GALK2: variants seen among roughly 807,000 people sequenced by gnomAD.
GALK2 encodes the protein N-acetylgalactosamine kinase.
GALK2 carries 36 observed loss-of-function variants against 52.4 expected under a neutral mutation model. The observed-to-expected ratio is 0.69, with a 90% CI of 0.53 to 0.91. GALK2 has a LOEUF of 0.91. Among genes scored for constraint, GALK2 ranks in the 40% least tolerant of loss-of-function variants. GALK2 has a pLI of 0.00. For synonymous variants in GALK2, 176 were observed against 199.1 expected (o/e 0.88, Z 0.98); for missense variants, 579 against 559.1 (o/e 1.04, Z -0.36).
chr15:49,326,456 T>C (rs2037514327), intron 9 of GALK2, among the ~76,000 whole-genome samples: 2 of 152,078 alleles, frequency 1.3e-5, no homozygotes, highest in South Asian at 4.1e-4. Flanking sequence ...TTCACCATGT[T>C]GGTCAGGCTG....
At chr15:49,156,009 T>A (rs761505155) in exon 1 of GALK2, 3 of 1,614,200 alleles carry the variant, frequency 1.9e-6, no homozygotes, top group Non-Finnish European at 2.5e-6. Flanking sequence ...GCCCGTCCTA[T>A]ATGACAGGTA....
chr15:49,301,488 AT>A (rs1268426067), intron 8 of GALK2, among the ~76,000 whole-genome samples: 1 of 152,046 alleles, frequency 6.6e-6, no homozygotes, highest in South Asian at 2.1e-4. Context: ...CAAGAAGAAA[AT>A]TTGAAGCTGT....
intron 3 of GALK2, among the ~76,000 whole-genome samples, chr15:49,338,413 G>A (rs1419575341): frequency 6.6e-6 from 1 of 152,084 alleles, no homozygotes; most frequent in Non-Finnish European, 1.5e-5. Context: ...ATGAAATTCT[G>A]GGTTGAAAAT....
intron 1 of GALK2, among the ~76,000 whole-genome samples, chr15:49,181,420 T>G (rs2141221953): frequency 6.6e-6 from 1 of 151,622 alleles, no homozygotes; most frequent in East Asian, 1.9e-4. Context: ...TTAAATTTCT[T>G]AAGGCCAAGG....
Position 49,337,556 on chromosome 15 carries a change from GGGATACATGTGCAGA to G in GALK2, c.426+17752_426+17766del, listed in dbSNP as rs1383296682. Among the ~76,000 whole-genome samples the G allele has an allele frequency of 6.8e-5, 7 of 103,594 alleles. No homozygotes were observed. The East Asian group carries it at 1.6e-3, about 23-fold the overall frequency. 68.0% of individuals were successfully genotyped at this position (103,594 alleles called of 152,430 possible). ...TTTTTAGTATTATACTTTAAGTTCT[GGGATACATGTGCAGA>G]ACATGCAGGTTTGTTACATAGGTAT... On this transcript the variant is annotated intron_variant, in intron 3 of 3. Transcript: ENST00000558399.
At chr15:49,219,279 A>G (rs3959659) in intron 3 of GALK2, among the ~76,000 whole-genome samples, 9,186 of 152,234 alleles carry the variant, frequency 0.06, 554 homozygotes, top group African/African-American at 0.15. Flanking sequence ...GTGATAATGA[A>G]TAAGTCTCAT....
At chr15:49,173,151 C>A (rs763489041) in intron 1 of GALK2, among the ~76,000 whole-genome samples, 16 of 152,146 alleles carry the variant, frequency 1.1e-4, no homozygotes, top group African/African-American at 3.9e-4. Context: ...TGAATGGAAT[C>A]ATATAAAATG....
At chr15:49,178,197 A>G (rs1406037659) in intron 1 of GALK2, among the ~76,000 whole-genome samples, 1 of 91,264 alleles carries the variant, frequency 1.1e-5, no homozygotes, top group Non-Finnish European at 2.2e-5. Flanking sequence ...AAGAAATACT[A>G]TATATATATA....
chr15:49,356,062 G>A (rs1459730357), intron 3 of GALK2, among the ~76,000 whole-genome samples: 1 of 147,842 alleles, frequency 6.8e-6, no homozygotes, highest in East Asian at 2.0e-4. Context: ...TCACCAACAG[G>A]CCTGCCTTAC....
At chr15:49,201,507 G>T (rs1472801335) in intron 2 of GALK2, among the ~76,000 whole-genome samples, 1 of 152,052 alleles carries the variant, frequency 6.6e-6, no homozygotes, top group South Asian at 2.1e-4. Flanking sequence ...CATAAAAAAT[G>T]AAAATATTTT....
rs747641556 is a variant in GALK2, at chr15:49,170,375, G to A, written c.53G>A (p.Arg18Lys). The part of the protein sequence containing the change: ...TRRVQVAEHP[R>K]LLKLKEMFNS... ...CGGGTCCAGGTGGCAGAACATCCTAGGTGGGGGAGAGGAGACGCCGGGCTT... is the reference window on the plus strand; with the variant it reads ...CGGGTCCAGGTGGCAGAACATCCTAAGTGGGGGAGAGGAGACGCCGGGCTT... Residue 18 changes from arginine to lysine, a missense_variant and splice_region_variant, in exon 1 of 10, where the codon AGG becomes AAG. Arg to Lys is a conservative substitution (Grantham distance 26). Transcript: ENST00000560031. The A allele has an allele frequency of 6.3e-7, 1 of 1,589,472 alleles. No individual in the cohort carries two copies. Among genetic ancestry groups the A allele is most frequent in the Non-Finnish European group, 8.6e-7 (1 of 1,168,214 alleles).
intron 3 of GALK2, among the ~76,000 whole-genome samples, chr15:49,358,891 T>A (rs2043669621): frequency 1.4e-5 from 2 of 147,860 alleles, no homozygotes; most frequent in South Asian, 4.3e-4. Flanking sequence ...AAAACAGAGA[T>A]ATAGATCAAT....
intron 1 of GALK2, among the ~76,000 whole-genome samples, chr15:49,162,970 C>T (rs1033999185): frequency 2.6e-5 from 4 of 152,102 alleles, no homozygotes; most frequent in Admixed American, 6.6e-5. Context: ...AATATTGTTA[C>T]GCAGAATAGA....
At chr15:49,239,536 T>C (rs543917303) in intron 5 of GALK2, among the ~76,000 whole-genome samples, 169 bp downstream of exon 5, 47 of 152,350 alleles carry the variant, frequency 3.1e-4, no homozygotes, top group African/African-American at 1.1e-3. Flanking sequence ...TAAAGTAGCT[T>C]ATACCCTCCA....
At chr15:49,164,893 A>C (rs1019546331) in intron 1 of GALK2, among the ~76,000 whole-genome samples, 4 of 152,064 alleles carry the variant, frequency 2.6e-5, no homozygotes, top group African/African-American at 9.7e-5. Flanking sequence ...TGTAAGCTTG[A>C]AATGCAAATT....
upstream of GALK2, among the ~76,000 whole-genome samples, chr15:49,166,030 C>T (rs913638364): frequency 6.6e-6 from 1 of 151,922 alleles, no homozygotes; most frequent in African/African-American, 2.4e-5. Flanking sequence ...TCTCGATCTC[C>T]CGACCTTGTG....
rs1235414458 is a variant in GALK2, at chr15:49,253,875, A to G, written c.504+14508A>G. On this transcript the variant is annotated intron_variant, in intron 5 of 9. Transcript: ENST00000560031. Reference sequence around the variant, plus strand: ...CATCATCATCATCAACAACAACTACACAAAACTGTTGAGGGGCACAGTCAT... The same window carrying G: ...CATCATCATCATCAACAACAACTACGCAAAACTGTTGAGGGGCACAGTCAT... Among the ~76,000 whole-genome samples the G allele has an allele frequency of 1.4e-5, 2 of 143,888 alleles. 1 individual carries two copies. The highest frequency in any genetic ancestry group is 3.1e-5 in the Non-Finnish European group (2 of 64,178). The allele number at this position is 143,888 out of a possible 152,430, so 94.4% of individuals were successfully genotyped here. A position where few individuals can be genotyped will look rare whatever the true frequency, so the allele number is the denominator to read the frequency against.
intron 8 of GALK2, among the ~76,000 whole-genome samples, chr15:49,303,798 C>T (rs1836134049): frequency 6.6e-6 from 1 of 152,152 alleles, no homozygotes; most frequent in Non-Finnish European, 1.5e-5. Flanking sequence ...GCTTCTTTGG[C>T]TCTAGCCTTG....
At chr15:49,251,337 G>C (rs964247476) in intron 5 of GALK2, among the ~76,000 whole-genome samples, 4 of 152,048 alleles carry the variant, frequency 2.6e-5, no homozygotes, top group South Asian at 4.1e-4. Flanking sequence ...ATATATAAAG[G>C]AAAGAGTTTG....
Sources: allele counts gnomAD v4.1 joint callset (sites outside exome capture counted in the v4.1 genomes callset), GRCh38; gene constraint gnomAD v4.1.1; transcripts MANE v1.5; gene names NCBI Gene and HGNC (gene_info 2026-07-23, HGNC 2026-07-21).